LFNG: variants seen among roughly 807,000 people sequenced by gnomAD.
The protein encoded by LFNG is LFNG O-fucosylpeptide 3-beta-N-acetylglucosaminyltransferase, also known as beta-1,3-N-acetylglucosaminyltransferase lunatic fringe.
A neutral mutation model predicts 32.7 loss-of-function variants in LFNG; 15 were observed. That is an observed-to-expected ratio of 0.46 (90% CI 0.31 to 0.71). The LOEUF (loss-of-function observed/expected upper bound fraction) is 0.71. Ranked by LOEUF, LFNG falls within the 30% of genes least tolerant of loss-of-function variation. The probability of loss-of-function intolerance (pLI) is 0.06; values close to 1 mark genes in which losing one functional copy is unlikely to be tolerated. For synonymous variants in LFNG, 274 were observed against 246.8 expected, an observed-to-expected ratio of 1.11 and a Z score of -1.03; for missense variants, 520 against 545.7, an observed-to-expected ratio of 0.95 and a Z score of 0.47.
Position 2,527,094 on chromosome 7 carries a change from C to A in LFNG, c.1074-52C>A. 1 of 1,570,352 alleles carries A rather than the reference C, an allele frequency of 6.4e-7. No individual in the cohort carries two copies. The highest frequency in any genetic ancestry group is 8.7e-7 in the Non-Finnish European group (1 of 1,143,518). On this transcript the variant is annotated intron_variant, in intron 7 of 7. Transcript: ENST00000222725. This position sits in a 1 kb window ranked among gnomAD's most constrained non-coding sequence, Gnocchi z 4.4. ...AGTGTTGTGGGACTGCAAATGGGAG[C>A]TCAGCACCTGCCTGCCACCCACGCA... is the stretch of plus-strand genomic sequence containing the variant.
Position 2,527,518 on chromosome 7 carries a change from G to T in LFNG, c.*306G>T. On this transcript the variant is annotated 3_prime_UTR_variant, in exon 8 of 8. Transcript: ENST00000222725. This position sits in a 1 kb window ranked among gnomAD's most constrained non-coding sequence, Gnocchi z 4.4. ...GCCACTCCGAGGGCAATTCTGTTAGGATTTTTGGATCTTTCTACAGCTACG... is the reference window on the plus strand; with the variant it reads ...GCCACTCCGAGGGCAATTCTGTTAGTATTTTTGGATCTTTCTACAGCTACG... 7.5e-7 allele frequency: 1 copy of T among 1,333,568 alleles called. No individual in the cohort carries two copies. The highest frequency in any genetic ancestry group is 9.7e-7 in the Non-Finnish European group (1 of 1,034,186). 82.6% of individuals were successfully genotyped at this position (1,333,568 alleles called of 1,614,324 possible).
intron 2 of LFNG, 122 bp from the exon 3 acceptor site, chr7:2,525,097 C>G (rs970759912): frequency 1.1e-6 from 1 of 892,440 alleles, no homozygotes; most frequent in Admixed American, 2.0e-5. Flanking sequence ...AGGCTACGGC[C>G]GCCGGGCCCA....
chr7:2,513,044 T>G (rs768855454), upstream of LFNG: 714 of 1,018,060 alleles, frequency 7.0e-4, 1 homozygote, highest in Non-Finnish European at 9.6e-4. Context: ...AGAAGTCCCC[T>G]GCCTCCCAGC....
At chr7:2,519,348 A>G (rs1191674491), upstream of LFNG, among the ~76,000 whole-genome samples, 6 of 152,316 alleles carry the variant, frequency 3.9e-5, no homozygotes, top group African/African-American at 1.2e-4. Flanking sequence ...GGAAGCGCAC[A>G]GCGAGGAAGT....
rs1285627232 is a variant in LFNG, at chr7:2,520,998, C to T, written c.432+705C>T. On this transcript the variant is annotated intron_variant, in intron 1 of 7. Coordinates refer to ENST00000222725, the MANE Select transcript of LFNG (RefSeq NM_001040167.2). The surrounding 1 kb of genome is among the most constrained non-coding windows in gnomAD (Gnocchi z 5.0). Reference sequence around the variant, plus strand: ...CCACAGCAGGACGGTTGGGCTGGGGCGGGATGGGGACAGTGTGTGGGGCTT... The same window carrying T: ...CCACAGCAGGACGGTTGGGCTGGGGTGGGATGGGGACAGTGTGTGGGGCTT... 1.3e-5 allele frequency among the ~76,000 whole-genome samples: 2 copies of T among 151,920 alleles called. No homozygotes were observed. Among genetic ancestry groups the T allele is most frequent in the East Asian group, 1.9e-4 (1 of 5,184 alleles).
At chr7:2,518,267 C>T (rs1038470372), upstream of LFNG, among the ~76,000 whole-genome samples, 2 of 152,266 alleles carry the variant, frequency 1.3e-5, no homozygotes, top group Middle Eastern at 3.4e-3. Context: ...CAGGAGGTGA[C>T]GCCATGGGAG....
chr7:2,518,697 T>TG, upstream of LFNG: 1 of 1,484,210 alleles, frequency 6.7e-7, no homozygotes, highest in Non-Finnish European at 9.1e-7. Context: ...GTGGTGGCGG[T>TG]GGTGGTCGTG....
chr7:2,527,143 C>G lies in LFNG; in HGVS notation c.1074-3C>G. 1 of 1,612,580 alleles carries G rather than the reference C, an allele frequency of 6.2e-7. No individual in the cohort carries two copies. Among genetic ancestry groups the G allele is most frequent in the Non-Finnish European group, 8.5e-7 (1 of 1,179,846 alleles). ...CAGACCAGCCCCTGCTCTGTTCCCA[C>G]AGGTTCCGCTCCATCCACTGCCACC... On this transcript the variant is annotated splice_region_variant and splice_polypyrimidine_tract_variant and intron_variant, in intron 7 of 7. Transcript: ENST00000222725. This position sits in a 1 kb window ranked among gnomAD's most constrained non-coding sequence, Gnocchi z 4.4.
upstream of LFNG, among the ~76,000 whole-genome samples, chr7:2,519,255 AC>A (rs1779706263): frequency 6.6e-6 from 1 of 152,090 alleles, no homozygotes; most frequent in Non-Finnish European, 1.5e-5. Context: ...GCTCCCCTGA[AC>A]CGAGCGCTCG....
In LFNG at chr7:2,527,910, C is replaced by G. The variant is rs2128378663; in HGVS notation, c.*698C>G. On this transcript the variant is annotated 3_prime_UTR_variant, in exon 8 of 8. Transcript: ENST00000222725. The surrounding 1 kb of genome is among the most constrained non-coding windows in gnomAD (Gnocchi z 4.4). ...AGGTCTTCCCTTTGCCTCCCCAGGA[C>G]AGGGTGAGTCAGAGCTCAGCATTTA... 1.0e-6 allele frequency: 1 copy of G among 988,192 alleles called. No individual in the cohort carries two copies. Among genetic ancestry groups the G allele is most frequent in the African/African-American group, 1.7e-5 (1 of 57,332 alleles). The allele number at this position is 988,192 out of a possible 1,614,324, so 61.2% of individuals were successfully genotyped here. A position where few individuals can be genotyped will look rare whatever the true frequency, so the allele number is the denominator to read the frequency against.
chr7:2,514,255 G>C (rs1024107447), upstream of LFNG, among the ~76,000 whole-genome samples: 1 of 152,246 alleles, frequency 6.6e-6, no homozygotes, highest in African/African-American at 2.4e-5. Flanking sequence ...GACAGAGTCA[G>C]AGAGGCGCCT....
chr7:2,518,555 T>A (rs760969395), upstream of LFNG: 4 of 1,446,190 alleles, frequency 2.8e-6, no homozygotes, highest in South Asian at 4.6e-5. Flanking sequence ...CAGGTCTGAA[T>A]GACACCAGGT....
At chr7:2,523,118 C>G (rs1204366048) in intron 1 of LFNG, among the ~76,000 whole-genome samples, 3 of 152,258 alleles carry the variant, frequency 2.0e-5, no homozygotes, top group Non-Finnish European at 4.4e-5. Flanking sequence ...CTCGGGAGAA[C>G]AGGCCTCCCT....
chr7:2,521,143 G>A (rs4632959), intron 1 of LFNG, among the ~76,000 whole-genome samples: 65,290 of 151,776 alleles, frequency 0.43, 15,599 homozygotes, highest in Non-Finnish European at 0.54. Context: ...GGAGACCCAG[G>A]GCCTTCTGAC....
At chr7:2,514,999 CATCT>C (rs1225088750), upstream of LFNG, among the ~76,000 whole-genome samples, 4 of 150,982 alleles carry the variant, frequency 2.6e-5, no homozygotes, top group Admixed American at 1.3e-4. Flanking sequence ...TCCGTCCATC[CATCT>C]GTCCATTCAT....
At position 2,527,217 on chromosome 7, in the gene LFNG, C is replaced by G; in HGVS notation, c.*5C>G. The stretch of plus-strand genomic sequence containing the variant: ...CCCCGCACTGCCATCTTCTAGTGGC[C>G]ATGGCTGAGACCCAATCCCTGGGCG... On this transcript the variant is annotated 3_prime_UTR_variant, in exon 8 of 8. Transcript: ENST00000222725. This position sits in a 1 kb window ranked among gnomAD's most constrained non-coding sequence, Gnocchi z 4.4. 1 of 1,612,406 alleles carries G rather than the reference C, an allele frequency of 6.2e-7. No homozygotes were observed. The highest frequency in any genetic ancestry group is 8.5e-7 in the Non-Finnish European group (1 of 1,179,940).
upstream of LFNG, chr7:2,518,594 T>C (rs748694194): frequency 6.2e-7 from 1 of 1,610,130 alleles, no homozygotes; most frequent in Non-Finnish European, 8.5e-7. Context: ...GACATTCAGG[T>C]AGAGGTAAGG....
chr7:2,525,216 C>G lies in LFNG; in HGVS notation c.482-3C>G. On this transcript the variant is annotated splice_polypyrimidine_tract_variant and splice_region_variant and intron_variant, in intron 2 of 7. Transcript: ENST00000222725. The stretch of plus-strand genomic sequence containing the variant: ...CTACTCACAGCCGCTCCCCTGTCCA[C>G]AGGCAACGTGGTCATCACAAACTGC... 6.2e-7 allele frequency: 1 copy of G among 1,612,614 alleles called. No individual in the cohort carries two copies. The highest frequency in any genetic ancestry group is 2.2e-5 in the East Asian group (1 of 44,874).
At chr7:2,519,710 A>T (rs560581362), upstream of LFNG, 2 of 302,060 alleles carry the variant, frequency 6.6e-6, no homozygotes, top group Non-Finnish European at 9.9e-6. Flanking sequence ...CCGGGAGCCA[A>T]TGAGCGCACG....
Sources: gnomAD v4.1 joint callset for allele counts (sites outside exome capture counted in the v4.1 genomes callset) on GRCh38, gnomAD v4.1.1 for gene constraint, Gnocchi (gnomAD v3.1) non-coding constraint, MANE v1.5 for transcripts, NCBI Gene and HGNC (gene_info 2026-07-23, HGNC 2026-07-21) for gene names.